Variants in HDAC9 observed in about 807,000 individuals in gnomAD.
HDAC9 encodes the protein histone deacetylase 9, also known as MEF-2 interacting transcription repressor (MITR) protein.
HDAC9 carries 41 observed loss-of-function variants against 139.4 expected under a neutral mutation model. The ratio of observed to expected loss-of-function variants is 0.29; its 90% CI spans 0.23 to 0.38. The LOEUF is 0.38. HDAC9 is among the 10% of genes least tolerant of loss of function. The pLI is 1.00. For missense variants in HDAC9, 1,147 were observed against 1,297.0 expected, an observed-to-expected ratio of 0.88 and a Z score of 1.78; for synonymous variants, 517 against 476.2, an observed-to-expected ratio of 1.09 and a Z score of -1.12.
chr7:18,793,529 G>T (rs939433314), intron 17 of HDAC9, 77 bp downstream of exon 17: 11 of 948,928 alleles, frequency 1.2e-5, no homozygotes, highest in Non-Finnish European at 1.8e-5. Flanking sequence ...TGGGAATTGC[G>T]GGGAGTGTGG....
intron 12 of HDAC9, among the ~76,000 whole-genome samples, chr7:18,702,554 T>G (rs1783576033): frequency 6.6e-6 from 1 of 152,158 alleles, no homozygotes; most frequent in South Asian, 2.1e-4. Flanking sequence ...TCAAAAACAC[T>G]TTGGGACAAC....
intron 2 of HDAC9, among the ~76,000 whole-genome samples, chr7:18,547,466 A>G (rs1044593637): frequency 6.6e-6 from 1 of 152,158 alleles, no homozygotes; most frequent in Non-Finnish European, 1.5e-5. Flanking sequence ...TGATCTCCTG[A>G]CCTTGTGATC....
At chr7:18,701,412 C>CA (rs147870191) in intron 12 of HDAC9, among the ~76,000 whole-genome samples, 5,280 of 84,808 alleles carry the variant, frequency 0.062, 283 homozygotes, top group African/African-American at 0.23. Flanking sequence ...AAAAACAAAA[C>CA]AAACAAAAAA....
chr7:18,422,776 A>ACC, intron 1 of HDAC9, among the ~76,000 whole-genome samples: 1 of 151,440 alleles, frequency 6.6e-6, no homozygotes, highest in Non-Finnish European at 1.5e-5. Flanking sequence ...ACACACACAC[A>ACC]CACAGCCACT....
intron 7 of HDAC9, among the ~76,000 whole-genome samples, chr7:18,632,053 AAAT>A (rs1486854872): frequency 3.3e-5 from 5 of 151,878 alleles, no homozygotes; most frequent in African/African-American, 1.2e-4. Context: ...AGTTTTTAAA[AAAT>A]ATGGAAATGG....
intron 2 of HDAC9, among the ~76,000 whole-genome samples, chr7:18,251,839 A>T (rs972530252): frequency 6.6e-6 from 1 of 152,166 alleles, no homozygotes; most frequent in African/African-American, 2.4e-5. Context: ...ATATTTCCCA[A>T]TTCTGCAAAC....
chr7:18,792,309 C>G (rs1021655165), intron 16 of HDAC9, among the ~76,000 whole-genome samples: 96 of 150,108 alleles, frequency 6.4e-4, no homozygotes, highest in African/African-American at 2.3e-3. Flanking sequence ...GAATTTCTCC[C>G]CTTTGATCCA....
chr7:18,880,433 C>A (rs1192928023), intron 22 of HDAC9, among the ~76,000 whole-genome samples: 1 of 151,986 alleles, frequency 6.6e-6, no homozygotes, highest in Non-Finnish European at 1.5e-5. Context: ...ATTGACTGAA[C>A]AAAGAAAATG....
intron 1 of HDAC9, among the ~76,000 whole-genome samples, chr7:18,326,849 G>A (rs567841613): frequency 6.6e-6 from 1 of 151,982 alleles, no homozygotes; most frequent in African/African-American, 2.4e-5. Context: ...TAGAATTCAG[G>A]GGAGAACTGA....
chr7:18,873,060 C>T (rs1391121438), intron 21 of HDAC9, among the ~76,000 whole-genome samples: 2 of 152,052 alleles, frequency 1.3e-5, no homozygotes, highest in Admixed American at 6.6e-5. Context: ...CACCACAATA[C>T]TATTTCACTC....
chr7:18,685,071 A>G (rs1213337337), intron 12 of HDAC9, among the ~76,000 whole-genome samples: 1 of 152,008 alleles, frequency 6.6e-6, no homozygotes, highest in East Asian at 1.9e-4. Flanking sequence ...CTTTGAAGAT[A>G]ATTTATGGAG....
intron 24 of HDAC9, among the ~76,000 whole-genome samples, chr7:18,964,262 G>A (rs1205524258): frequency 6.6e-6 from 1 of 151,968 alleles, no homozygotes; most frequent in Non-Finnish European, 1.5e-5. Flanking sequence ...ATTTTTTCCT[G>A]CTATTCCTCT....
intron 11 of HDAC9, among the ~76,000 whole-genome samples, chr7:18,664,608 G>A (rs1447804536): frequency 1.3e-5 from 2 of 151,926 alleles, no homozygotes; most frequent in African/African-American, 2.4e-5. Flanking sequence ...TACCAGAAAT[G>A]CTCCCCACCC....
chr7:18,851,289 G>C (rs1797269946), intron 21 of HDAC9: 1 of 152,228 alleles, frequency 6.6e-6, no homozygotes, highest in South Asian at 2.1e-4. Flanking sequence ...GGTGGGAGGT[G>C]ATTGGATCAT....
chr7:18,884,827 C>T (rs1020755160), intron 22 of HDAC9, among the ~76,000 whole-genome samples: 4 of 152,158 alleles, frequency 2.6e-5, no homozygotes, highest in African/African-American at 9.7e-5. Flanking sequence ...CCTCAAACTT[C>T]AGTCCACATC....
chr7:18,270,998 T>C (rs866528573), intron 2 of HDAC9, among the ~76,000 whole-genome samples: 1 of 152,182 alleles, frequency 6.6e-6, no homozygotes, highest in African/African-American at 2.4e-5. Context: ...GTGCTAAACA[T>C]AGCCTGGAAA....
At chr7:18,361,893 T>C (rs1783811964) in intron 1 of HDAC9, among the ~76,000 whole-genome samples, 1 of 152,160 alleles carries the variant, frequency 6.6e-6, no homozygotes. Flanking sequence ...GTACATGATA[T>C]GCTATTTTCC....
chr7:18,924,304 G>A (rs968116595), intron 22 of HDAC9, among the ~76,000 whole-genome samples: 3 of 151,888 alleles, frequency 2.0e-5, no homozygotes, highest in African/African-American at 7.3e-5. Flanking sequence ...TATATACTAT[G>A]GAATTCTTAA....
intron 1 of HDAC9, among the ~76,000 whole-genome samples, chr7:18,362,470 G>A (rs1425668629): frequency 6.6e-6 from 1 of 152,088 alleles, no homozygotes; most frequent in African/African-American, 2.4e-5. Flanking sequence ...GGGGAATTTG[G>A]AGATTTATGA....
Sources: gnomAD v4.1 joint callset for allele counts (sites outside exome capture counted in the v4.1 genomes callset) on GRCh38, gnomAD v4.1.1 for gene constraint, MANE v1.5 for transcripts, NCBI Gene and HGNC (gene_info 2026-07-23, HGNC 2026-07-21) for gene names.